IL1RAPL2: variants seen among roughly 807,000 people sequenced by gnomAD.
The protein encoded by IL1RAPL2 is interleukin 1 receptor accessory protein like 2.
In IL1RAPL2, 3 loss-of-function variants were observed where a neutral mutation model predicts 44.1. The ratio of observed to expected loss-of-function variants is 0.07; its 90% confidence interval spans 0.03 to 0.18. IL1RAPL2 has a LOEUF of 0.18. Ranked by LOEUF, IL1RAPL2 falls within the 10% of genes least tolerant of loss-of-function variation. The probability of loss-of-function intolerance (pLI) is 1.00; values close to 1 mark genes in which losing one functional copy is unlikely to be tolerated. For missense variants in IL1RAPL2, 391 were observed against 496.4 expected (o/e 0.79, Z 2.02); for synonymous variants, 181 against 178.8 (o/e 1.01, Z -0.10).
At chrX:105,318,103 G>T (rs1203765609) in intron 5 of IL1RAPL2, among the ~76,000 whole-genome samples, 2 of 109,667 alleles carry the variant, frequency 1.8e-5, no homozygotes, top group Non-Finnish European at 3.8e-5. Flanking sequence ...CTCCCGAGTA[G>T]CTGGGACTAC....
chrX:105,078,505 G>C (rs1259139530), intron 2 of IL1RAPL2, among the ~76,000 whole-genome samples: 2 of 112,392 alleles, frequency 1.8e-5, no homozygotes, highest in Non-Finnish European at 3.8e-5. Context: ...GAGGCAGTCT[G>C]CCCGTTCTCA....
At chrX:105,751,536 T>A (rs961396160) in intron 9 of IL1RAPL2, among the ~76,000 whole-genome samples, 5 of 111,685 alleles carry the variant, frequency 4.5e-5, no homozygotes, top group Non-Finnish European at 9.4e-5. Flanking sequence ...TGCATCTTTA[T>A]CTGCAATGTG....
chrX:105,622,196 CT>C (rs2037423479), intron 6 of IL1RAPL2, among the ~76,000 whole-genome samples: 1 of 108,222 alleles, frequency 9.2e-6, no homozygotes, highest in Non-Finnish European at 1.9e-5. Flanking sequence ...TATTTAGGAG[CT>C]TTATATTTAT....
chrX:104,651,936 G>T (rs1387080540), intron 1 of IL1RAPL2, among the ~76,000 whole-genome samples: 1 of 111,378 alleles, frequency 9.0e-6, no homozygotes, highest in Non-Finnish European at 1.9e-5. Context: ...CCAAAAAGCA[G>T]AACTCTAAGG....
intron 2 of IL1RAPL2, among the ~76,000 whole-genome samples, chrX:104,797,705 G>A (rs1450847430): frequency 7.1e-5 from 8 of 111,964 alleles, no homozygotes; most frequent in Non-Finnish European, 1.5e-4. Context: ...TGCTATGCCA[G>A]ACAACAAAGC....
intron 2 of IL1RAPL2, among the ~76,000 whole-genome samples, chrX:104,821,276 G>A (rs898846602): frequency 2.7e-5 from 3 of 109,702 alleles, no homozygotes; most frequent in African/African-American, 1.0e-4. Flanking sequence ...CTTAAGTTCC[G>A]CGATACATGC....
At chrX:104,885,368 G>C (rs1602781312) in intron 2 of IL1RAPL2, among the ~76,000 whole-genome samples, 1 of 111,473 alleles carries the variant, frequency 9.0e-6, no homozygotes, top group African/African-American at 3.3e-5. Flanking sequence ...GAAGAATTAG[G>C]AAAAAGCCCA....
At chrX:105,378,228 A>G (rs987837477) in intron 5 of IL1RAPL2, among the ~76,000 whole-genome samples, 1 of 111,927 alleles carries the variant, frequency 8.9e-6, no homozygotes, top group African/African-American at 3.2e-5. Flanking sequence ...TTAATTGTTA[A>G]TATATGAGGT....
intron 3 of IL1RAPL2, among the ~76,000 whole-genome samples, chrX:105,201,157 C>T (rs1446688017): frequency 9.0e-6 from 1 of 111,729 alleles, no homozygotes; most frequent in Non-Finnish European, 1.9e-5. Context: ...ATCTGAATGC[C>T]TCACAACATC....
chrX:105,341,012 C>CT (rs200570417), intron 5 of IL1RAPL2, among the ~76,000 whole-genome samples: 14,363 of 110,682 alleles, frequency 0.13, 2,293 homozygotes, highest in African/African-American at 0.45. Context: ...CTATATATAT[C>CT]TATTAATTAT....
chrX:105,551,314 A>C (rs1200893701), intron 6 of IL1RAPL2, among the ~76,000 whole-genome samples: 1 of 110,388 alleles, frequency 9.1e-6, no homozygotes, highest in African/African-American at 3.3e-5. Context: ...ACAACAACAA[A>C]AAAAACACAT....
intron 2 of IL1RAPL2, among the ~76,000 whole-genome samples, chrX:105,079,310 T>C (rs1264140352): frequency 9.1e-6 from 1 of 110,489 alleles, no homozygotes; most frequent in Non-Finnish European, 1.9e-5. Flanking sequence ...CTAGCAATCC[T>C]ATTACTGGGA....
At chrX:105,070,716 T>A (rs2032196150) in intron 2 of IL1RAPL2, among the ~76,000 whole-genome samples, 1 of 105,982 alleles carries the variant, frequency 9.4e-6, no homozygotes, top group African/African-American at 3.6e-5. Context: ...TAAAAAAATA[T>A]ATATATATAT....
chrX:105,149,306 G>T (rs1166418037), intron 2 of IL1RAPL2, among the ~76,000 whole-genome samples: 1 of 111,846 alleles, frequency 8.9e-6, no homozygotes, highest in Non-Finnish European at 1.9e-5. Flanking sequence ...GCCCTTAAAT[G>T]AAAGTTCTAC....
intron 6 of IL1RAPL2, among the ~76,000 whole-genome samples, chrX:105,568,121 G>A (rs1314214769): frequency 1.8e-5 from 2 of 110,967 alleles, no homozygotes; most frequent in Non-Finnish European, 3.8e-5. Context: ...TGGAGACAGA[G>A]TCAAAGACGT....
chrX:105,531,645 G>C (rs991223818), intron 6 of IL1RAPL2, among the ~76,000 whole-genome samples: 3 of 111,705 alleles, frequency 2.7e-5, no homozygotes, highest in Non-Finnish European at 3.8e-5. Flanking sequence ...CCAATGTCCT[G>C]GTGATTTTTC....
Position 105,259,185 on chromosome X carries a change from G to A in IL1RAPL2, c.544-8203G>A, listed in dbSNP as rs917541180. Among the ~76,000 whole-genome samples the A allele has an allele frequency of 3.6e-5, 4 of 111,710 alleles. No individual in the cohort carries two copies. The Admixed American group carries it at 3.8e-4, about 11-fold the overall frequency. Reference sequence around the variant, plus strand: ...TCCTGTCTCTGGTTTCAGAGGGGGGGTATGTTAATGAAGTATTTTTAATGT... The same window carrying A: ...TCCTGTCTCTGGTTTCAGAGGGGGGATATGTTAATGAAGTATTTTTAATGT... On this transcript the variant is annotated intron_variant, in intron 4 of 10. Transcript: ENST00000372582.
chrX:104,658,086 A>ATAGAAC (rs1930307297), intron 1 of IL1RAPL2, among the ~76,000 whole-genome samples: 2 of 112,191 alleles, frequency 1.8e-5, no homozygotes, highest in Non-Finnish European at 3.8e-5. Context: ...AGAACTAGAA[A>ATAGAAC]TAGAATTTGA....
intron 2 of IL1RAPL2, among the ~76,000 whole-genome samples, chrX:104,902,431 C>G (rs1368895770): frequency 8.9e-6 from 1 of 111,811 alleles, no homozygotes; most frequent in African/African-American, 3.3e-5. Context: ...TGAACGAGCC[C>G]TCATCAAGAG....
Sources: allele counts gnomAD v4.1 joint callset (sites outside exome capture counted in the v4.1 genomes callset), GRCh38; gene constraint gnomAD v4.1.1; transcripts MANE v1.5; gene names NCBI Gene and HGNC (gene_info 2026-07-23, HGNC 2026-07-21).